Variants in NTNG1 observed in about 807,000 individuals in gnomAD.
The protein encoded by NTNG1 is netrin-G1.
NTNG1 carries 16 observed loss-of-function variants against 54.0 expected under a neutral mutation model. That is an observed-to-expected ratio of 0.30 (90% CI 0.20 to 0.45). NTNG1 has a LOEUF of 0.45. Ranked by LOEUF, NTNG1 falls within the 20% of genes least tolerant of loss-of-function variation. The pLI is 1.00. For synonymous variants in NTNG1, 255 were observed against 263.1 expected, an observed-to-expected ratio of 0.97 and a Z score of 0.30; for missense variants, 530 against 678.7, an observed-to-expected ratio of 0.78 and a Z score of 2.43.
At chr1:107,297,611 G>C (rs1570615317) in intron 2 of NTNG1, among the ~76,000 whole-genome samples, 3 of 151,992 alleles carry the variant, frequency 2.0e-5, no homozygotes, top group African/African-American at 7.2e-5. Context: ...AACCACTGTT[G>C]AGATTTAAGA....
chr1:107,280,121 A>G (rs1664741328), intron 2 of NTNG1, among the ~76,000 whole-genome samples: 1 of 125,470 alleles, frequency 8.0e-6, no homozygotes. Flanking sequence ...TTTAATTTAT[A>G]TCTCCTAAAG....
At chr1:107,440,454 G>C (rs370384589) in intron 7 of NTNG1, among the ~76,000 whole-genome samples, 2 of 152,130 alleles carry the variant, frequency 1.3e-5, no homozygotes, top group Non-Finnish European at 2.9e-5. Flanking sequence ...TAAGCCTGGT[G>C]TTTCATCTAA....
chr1:107,407,687 C>T lies in NTNG1; in HGVS notation c.1066C>T (p.Pro356Ser), dbSNP rs1673519643. 10 of 1,605,562 alleles carry T rather than the reference C, an allele frequency of 6.2e-6. No individual in the cohort carries two copies. In the East Asian group the frequency reaches 1.3e-4, roughly 22 times the overall value. Residue 356 changes from proline to serine, a missense_variant, in exon 5 of 8, where the codon CCC (proline) becomes TCC (serine). Physicochemically the swap from Pro to Ser is moderately conservative, Grantham distance 74. Coordinates refer to ENST00000370068, the MANE Select transcript of NTNG1 (RefSeq NM_001113226.3). The part of the protein sequence containing the change: ...IPKGTANTCI[P>S]SISSIGNCEC... ...ATTGTTTTCTTTTTCTCCAGGTATC[C>T]CCAGTATTTCCAGTATTGGTAGTAA...
Position 107,256,743 on chromosome 1 carries a change from G to A in NTNG1, c.247-67539G>A, listed in dbSNP as rs75708224. ...GAGAGGAAGACAGGGCAAGGAAGCC[G>A]TTGGGGAAGGCTTTGGAAGCCATTC... On this transcript the variant is annotated intron_variant, in intron 2 of 7. Coordinates refer to ENST00000370068, the MANE Select transcript of NTNG1 (RefSeq NM_001113226.3). Among the ~76,000 whole-genome samples, 213 of 152,302 alleles carry A rather than the reference G, an allele frequency of 1.4e-3. 3 individuals carry two copies. The East Asian group carries it at 0.031, about 22-fold the overall frequency.
chr1:107,141,855 C>A (rs1222790093), intron 1 of NTNG1, among the ~76,000 whole-genome samples: 2 of 152,146 alleles, frequency 1.3e-5, no homozygotes, highest in Non-Finnish European at 2.9e-5. Context: ...TTTTTTCTTT[C>A]TTTCGCCAAT....
At chr1:107,179,684 A>G (rs763372998) in intron 2 of NTNG1, among the ~76,000 whole-genome samples, 3 of 152,068 alleles carry the variant, frequency 2.0e-5, no homozygotes, top group Non-Finnish European at 4.4e-5. Context: ...AGATTATTTC[A>G]TCACCCAAGT....
At chr1:107,444,872 T>C (rs1192749725) in intron 7 of NTNG1, among the ~76,000 whole-genome samples, 1 of 152,118 alleles carries the variant, frequency 6.6e-6, no homozygotes, top group Non-Finnish European at 1.5e-5. Flanking sequence ...TATGTGAAGC[T>C]CTTTTCTTAC....
chr1:107,332,359 A>T (rs2101899892), intron 3 of NTNG1, among the ~76,000 whole-genome samples: 1 of 152,210 alleles, frequency 6.6e-6, no homozygotes, highest in African/African-American at 2.4e-5. Flanking sequence ...TTTTTAAGAA[A>T]CATAAGGATA....
intron 2 of NTNG1, among the ~76,000 whole-genome samples, chr1:107,267,598 C>T (rs187123050): frequency 6.6e-6 from 1 of 152,248 alleles, no homozygotes; most frequent in African/African-American, 2.4e-5. Flanking sequence ...CTTTTCCATT[C>T]CCAGTACCTC....
rs641504 is a variant in NTNG1 at position 107,447,196 on chromosome 1, T to A, written c.1390+10397T>A. 4.6e-3 allele frequency among the ~76,000 whole-genome samples: 699 copies of A among 152,244 alleles called. 3 individuals are homozygous for A. The highest frequency in any genetic ancestry group is 0.016 in the African/African-American group (668 of 41,556). ...TAAGACATACATTTAGGCCTCTTTT[T>A]AATTAGTATTGTTGACCCAATGGAC... On this transcript the variant is annotated intron_variant, in intron 7 of 7. Transcript: ENST00000370068.
intron 7 of NTNG1, among the ~76,000 whole-genome samples, chr1:107,447,254 T>C (rs560739439): frequency 9.2e-5 from 14 of 152,158 alleles, no homozygotes; most frequent in African/African-American, 2.4e-5. Context: ...TTCTTTATCA[T>C]GAAAATCAAT....
chr1:107,166,779 C>A (rs143583802), intron 2 of NTNG1, among the ~76,000 whole-genome samples: 1 of 151,938 alleles, frequency 6.6e-6, no homozygotes, highest in East Asian at 1.9e-4. Flanking sequence ...CATACCAGAC[C>A]CTTGGATTGA....
chr1:107,192,247 T>G (rs960165521), intron 2 of NTNG1, among the ~76,000 whole-genome samples: 1 of 131,330 alleles, frequency 7.6e-6, no homozygotes, highest in African/African-American at 4.5e-5. Flanking sequence ...TATTGGTGTA[T>G]TTTTTGTACC....
intron 2 of NTNG1, among the ~76,000 whole-genome samples, chr1:107,261,798 G>A (rs1363774695): frequency 2.0e-5 from 3 of 152,148 alleles, no homozygotes; most frequent in South Asian, 2.1e-4. Flanking sequence ...AGCTGAGATC[G>A]CACCACTGCA....
chr1:107,402,962 G>T (rs188099902), intron 4 of NTNG1, among the ~76,000 whole-genome samples: 1 of 152,014 alleles, frequency 6.6e-6, no homozygotes, highest in South Asian at 2.1e-4. Context: ...ATGAAAAGCC[G>T]CTGAATCTTC....
intron 7 of NTNG1, among the ~76,000 whole-genome samples, chr1:107,467,273 T>G (rs1221185533): frequency 1.3e-5 from 2 of 152,196 alleles, no homozygotes; most frequent in African/African-American, 2.4e-5. Flanking sequence ...TGACAAGTAT[T>G]CATTAAGCTA....
At chr1:107,414,922 T>C (rs1001104138) in intron 5 of NTNG1, among the ~76,000 whole-genome samples, 4 of 152,188 alleles carry the variant, frequency 2.6e-5, no homozygotes, top group Non-Finnish European at 5.9e-5. Context: ...ATATCTTAAA[T>C]AAATTTATCC....
At chr1:107,352,938 G>A (rs1669713331) in intron 3 of NTNG1, among the ~76,000 whole-genome samples, 1 of 152,222 alleles carries the variant, frequency 6.6e-6, no homozygotes, top group South Asian at 2.1e-4. Flanking sequence ...GTGAGGAACA[G>A]TGGGCCAAGG....
chr1:107,343,776 CTTTG>C (rs1171346235), intron 3 of NTNG1, among the ~76,000 whole-genome samples: 3 of 152,112 alleles, frequency 2.0e-5, no homozygotes, highest in Non-Finnish European at 2.9e-5. Context: ...AAACATTTCT[CTTTG>C]TTTGTTCTCG....
Sources: allele counts gnomAD v4.1 joint callset (sites outside exome capture counted in the v4.1 genomes callset), GRCh38; gene constraint gnomAD v4.1.1; transcripts MANE v1.5; gene names NCBI Gene and HGNC (gene_info 2026-07-23, HGNC 2026-07-21).